Variants in CADM2 observed in about 807,000 individuals in gnomAD.
CADM2 encodes immunoglobulin superfamily member 4D.
CADM2 carries 12 observed loss-of-function variants against 49.8 expected under a neutral mutation model. The ratio of observed to expected loss-of-function variants is 0.24; its 90% CI spans 0.15 to 0.39. CADM2 has a LOEUF of 0.39. Among genes scored for constraint, CADM2 ranks in the 10% least tolerant of loss-of-function variants. The pLI, the probability that CADM2 is intolerant of heterozygous loss-of-function variation, is 1.00. For synonymous variants in CADM2, 214 were observed against 175.4 expected, an observed-to-expected ratio of 1.22 and a Z score of -1.74; for missense variants, 378 against 492.3, an observed-to-expected ratio of 0.77 and a Z score of 2.20.
At chr3:85,320,696 T>C (rs2044576043) in intron 1 of CADM2, among the ~76,000 whole-genome samples, 1 of 152,200 alleles carries the variant, frequency 6.6e-6, no homozygotes. Context: ...TCTTTTCCAA[T>C]GTCAGCAATC....
intron 1 of CADM2, among the ~76,000 whole-genome samples, chr3:85,055,158 A>G (rs762310805): frequency 5.9e-5 from 9 of 151,922 alleles, no homozygotes; most frequent in Non-Finnish European, 1.2e-4. Flanking sequence ...GTAATAATGA[A>G]CTAAAAGGCA....
intron 1 of CADM2, among the ~76,000 whole-genome samples, chr3:85,317,231 T>C (rs2044490529): frequency 6.6e-6 from 1 of 152,196 alleles, no homozygotes; most frequent in Admixed American, 6.5e-5. Context: ...TTCTTTGAAC[T>C]TGTATAATGC....
chr3:85,942,531 G>C lies in CADM2; in HGVS notation c.791+6674G>C, dbSNP rs553417763. Among the ~76,000 whole-genome samples the C allele has an allele frequency of 5.3e-5, 7 of 132,588 alleles. No individual in the cohort carries two copies. In the South Asian group the frequency reaches 1.6e-3, roughly 31 times the overall value. 87.0% of individuals were successfully genotyped at this position (132,588 alleles called of 152,430 possible). The stretch of plus-strand genomic sequence containing the variant: ...CCCAGAGTGTGATATTCCCCTTCCT[G>C]TGTCCATGTGATCTCATTGTTCAAT... On this transcript the variant is annotated intron_variant, in intron 7 of 9. Coordinates refer to ENST00000383699, the MANE Select transcript of CADM2 (RefSeq NM_001167675.2).
intron 2 of CADM2, among the ~76,000 whole-genome samples, chr3:85,769,167 T>TATATACACAC (rs1553683286): frequency 3.7e-5 from 3 of 80,480 alleles, no homozygotes; most frequent in South Asian, 4.5e-4. Context: ...ATATATAGTA[T>TATATACACAC]ATATACACAT....
At chr3:85,759,595 G>T (rs889408516) in intron 2 of CADM2, among the ~76,000 whole-genome samples, 1 of 152,044 alleles carries the variant, frequency 6.6e-6, no homozygotes, top group Non-Finnish European at 1.5e-5. Context: ...AAGGAAAGGG[G>T]TTTAAATTCT....
chr3:85,717,423 A>G (rs983415946), intron 1 of CADM2, among the ~76,000 whole-genome samples: 3 of 152,172 alleles, frequency 2.0e-5, no homozygotes, highest in Non-Finnish European at 4.4e-5. Context: ...TAAATATACA[A>G]TAATGTTATC....
chr3:85,895,400 T>C (rs1242768194), intron 5 of CADM2, among the ~76,000 whole-genome samples: 1 of 152,190 alleles, frequency 6.6e-6, no homozygotes, highest in African/African-American at 2.4e-5. Flanking sequence ...TTGGAACAGG[T>C]GTATTTACCC....
At chr3:85,781,841 C>T (rs2070666791) in intron 2 of CADM2, among the ~76,000 whole-genome samples, 1 of 152,228 alleles carries the variant, frequency 6.6e-6, no homozygotes, top group South Asian at 2.1e-4. Context: ...TTAAAATTAA[C>T]AATTAGAATA....
At chr3:85,644,984 G>C (rs1008052775) in intron 1 of CADM2, among the ~76,000 whole-genome samples, 1 of 152,108 alleles carries the variant, frequency 6.6e-6, no homozygotes, top group Non-Finnish European at 1.5e-5. Context: ...TCCTAATGAA[G>C]TATGTTTTTT....
At chr3:85,768,429 G>A (rs1236216057) in intron 2 of CADM2, among the ~76,000 whole-genome samples, 3 of 151,052 alleles carry the variant, frequency 2.0e-5, no homozygotes, top group Non-Finnish European at 4.4e-5. Context: ...CTGGGCTACA[G>A]TGCGAGACTC....
chr3:85,935,339 G>T (rs549812965), intron 6 of CADM2, among the ~76,000 whole-genome samples: 2 of 152,024 alleles, frequency 1.3e-5, no homozygotes, highest in Non-Finnish European at 2.9e-5. Context: ...TTCATTGTGG[G>T]TTCCTTATTG....
intron 1 of CADM2, among the ~76,000 whole-genome samples, chr3:85,600,652 G>GTT (rs201475814): frequency 8.8e-5 from 13 of 147,448 alleles, no homozygotes; most frequent in African/African-American, 1.5e-4. Context: ...CTTTTAAGTT[G>GTT]TTTTTTTTTT....
At chr3:86,059,070 G>A (rs1230798755) in intron 8 of CADM2, among the ~76,000 whole-genome samples, 2 of 149,312 alleles carry the variant, frequency 1.3e-5, no homozygotes, top group Non-Finnish European at 3.0e-5. Flanking sequence ...CTTCAGCCTG[G>A]GTGACAGAGC....
At chr3:85,908,419 C>A (rs779315629) in intron 5 of CADM2, among the ~76,000 whole-genome samples, 1 of 151,502 alleles carries the variant, frequency 6.6e-6, no homozygotes, top group Non-Finnish European at 1.5e-5. Flanking sequence ...TGCTATTCTA[C>A]AATCCAGATT....
chr3:85,649,872 A>T (rs928507938), intron 1 of CADM2, among the ~76,000 whole-genome samples: 1 of 152,136 alleles, frequency 6.6e-6, no homozygotes, highest in African/African-American at 2.4e-5. Context: ...CATTATATGA[A>T]GGACAACCAG....
At chr3:85,875,334 A>G (rs1020357842) in intron 3 of CADM2, among the ~76,000 whole-genome samples, 2 of 152,214 alleles carry the variant, frequency 1.3e-5, no homozygotes, top group Non-Finnish European at 2.9e-5. Context: ...AACAAATAAA[A>G]TAACATTTTG....
At chr3:85,823,781 T>C (rs58739884) in intron 3 of CADM2, among the ~76,000 whole-genome samples, 7,770 of 152,184 alleles carry the variant, frequency 0.051, 557 homozygotes, top group African/African-American at 0.16. Flanking sequence ...GATGACCTTG[T>C]AGAGAAATTT....
At chr3:85,463,341 T>C (rs1483497941) in intron 1 of CADM2, among the ~76,000 whole-genome samples, 1 of 152,146 alleles carries the variant, frequency 6.6e-6, no homozygotes, top group East Asian at 1.9e-4. Context: ...TATGTTCTCA[T>C]TGCAAGCTGA....
intron 1 of CADM2, among the ~76,000 whole-genome samples, chr3:85,486,917 T>A (rs2039439533): frequency 6.6e-6 from 1 of 151,376 alleles, no homozygotes; most frequent in African/African-American, 2.4e-5. Context: ...TACCTTTGAA[T>A]ATAGAATGTA....
Sources: gnomAD v4.1 joint callset for allele counts (sites outside exome capture counted in the v4.1 genomes callset) on GRCh38, gnomAD v4.1.1 for gene constraint, MANE v1.5 for transcripts, NCBI Gene and HGNC (gene_info 2026-07-23, HGNC 2026-07-21) for gene names.